Variants in CFAP299 observed in about 807,000 individuals in gnomAD.
CFAP299 encodes cilia- and flagella-associated protein 299.
A neutral mutation model predicts 27.0 loss-of-function variants in CFAP299; 21 were observed. The observed-to-expected ratio is 0.78, with a 90% CI of 0.55 to 1.12. The LOEUF is 1.12. Ranked by LOEUF, CFAP299 falls within the 50% of genes most tolerant of loss-of-function variation. The pLI is 0.00. For synonymous variants in CFAP299, 104 were observed against 98.1 expected, an observed-to-expected ratio of 1.06 and a Z score of -0.36; for missense variants, 310 against 276.6, an observed-to-expected ratio of 1.12 and a Z score of -0.86.
chr4:80,422,941 G>A (rs1317724628), intron 2 of CFAP299, among the ~76,000 whole-genome samples: 2 of 152,084 alleles, frequency 1.3e-5, no homozygotes, highest in African/African-American at 4.8e-5. Flanking sequence ...AGGCTATATG[G>A]TACAGCCTAT....
intron 2 of CFAP299, among the ~76,000 whole-genome samples, chr4:80,366,573 C>A (rs1723846516): frequency 6.6e-6 from 1 of 152,180 alleles, no homozygotes; most frequent in Admixed American, 6.5e-5. Context: ...ACTTAGTTCT[C>A]ACCCTCAAGA....
intron 4 of CFAP299, among the ~76,000 whole-genome samples, chr4:80,901,931 C>G (rs1468300603): frequency 6.6e-6 from 1 of 152,098 alleles, no homozygotes; most frequent in Non-Finnish European, 1.5e-5. Flanking sequence ...TAACACTTGA[C>G]TTAGGCTAAA....
intron 2 of CFAP299, among the ~76,000 whole-genome samples, chr4:80,401,912 A>G (rs1317215254): frequency 2.0e-5 from 3 of 152,310 alleles, no homozygotes; most frequent in South Asian, 4.1e-4. Flanking sequence ...CACGTCTTGA[A>G]TCATTGTGAC....
chr4:80,407,297 A>T (rs1726480787), intron 2 of CFAP299, among the ~76,000 whole-genome samples: 1 of 152,198 alleles, frequency 6.6e-6, no homozygotes, highest in South Asian at 2.1e-4. Context: ...TCTGTGGCTT[A>T]AAACAACCAC....
rs559933674 is a variant in CFAP299, at chr4:80,951,000, T to C, written c.606+6061T>C. 3.3e-5 allele frequency among the ~76,000 whole-genome samples: 5 copies of C among 152,300 alleles called. No homozygotes were observed. In the South Asian group the frequency reaches 1.0e-3, roughly 32 times the overall value. On this transcript the variant is annotated intron_variant, in intron 5 of 5. Coordinates refer to ENST00000358105, the MANE Select transcript of CFAP299 (RefSeq NM_152770.3). Reference sequence around the variant, plus strand: ...ATGACTTAGAATCAAAATTTCTAAGTATGAAAATACATAATCCATTTTGAA... The same window carrying C: ...ATGACTTAGAATCAAAATTTCTAAGCATGAAAATACATAATCCATTTTGAA...
chr4:80,877,424 T>C (rs944606282), intron 4 of CFAP299, among the ~76,000 whole-genome samples: 8 of 152,198 alleles, frequency 5.3e-5, no homozygotes, highest in African/African-American at 1.9e-4. Flanking sequence ...GTCTGTGTCA[T>C]CTAATGACAG....
chr4:80,759,139 A>G (rs1023990776), intron 3 of CFAP299, among the ~76,000 whole-genome samples: 1 of 152,184 alleles, frequency 6.6e-6, no homozygotes. Context: ...TTTTTCCAGC[A>G]TGGTTCAAAT....
chr4:80,584,232 C>A (rs1414964846), intron 3 of CFAP299, among the ~76,000 whole-genome samples: 2 of 151,956 alleles, frequency 1.3e-5, no homozygotes, highest in Non-Finnish European at 2.9e-5. Flanking sequence ...ATTACGAATG[C>A]ATTTTCTCAG....
intron 3 of CFAP299, among the ~76,000 whole-genome samples, chr4:80,637,647 C>T (rs1283544644): frequency 6.6e-6 from 1 of 152,096 alleles, no homozygotes; most frequent in Non-Finnish European, 1.5e-5. Flanking sequence ...AATGAGAATA[C>T]AAGGTTGACA....
chr4:80,799,284 T>G (rs1465688786), intron 3 of CFAP299, among the ~76,000 whole-genome samples: 1 of 90,492 alleles, frequency 1.1e-5, no homozygotes, highest in African/African-American at 5.4e-5. Flanking sequence ...ATATATATAT[T>G]GTATAAATAT....
chr4:80,530,255 A>G (rs1733401233), intron 2 of CFAP299, among the ~76,000 whole-genome samples: 1 of 152,168 alleles, frequency 6.6e-6, no homozygotes, highest in Admixed American at 6.5e-5. Context: ...TGCAGCAGAT[A>G]TATCGTGTTA....
chr4:80,652,620 C>G (rs1740360509), intron 3 of CFAP299, among the ~76,000 whole-genome samples: 1 of 152,056 alleles, frequency 6.6e-6, no homozygotes, highest in Non-Finnish European at 1.5e-5. Flanking sequence ...ACAATGAATG[C>G]AAGAATGGTC....
At chr4:80,421,278 T>G (rs1346013978) in intron 2 of CFAP299, among the ~76,000 whole-genome samples, 1 of 152,226 alleles carries the variant, frequency 6.6e-6, no homozygotes, top group Non-Finnish European at 1.5e-5. Context: ...ACAGTCTCCT[T>G]GAAGACACAG....
intron 3 of CFAP299, among the ~76,000 whole-genome samples, chr4:80,702,020 T>C (rs1721520173): frequency 6.6e-6 from 1 of 151,884 alleles, no homozygotes; most frequent in Non-Finnish European, 1.5e-5. Flanking sequence ...TGGAATGATA[T>C]TAAGTCATAG....
At chr4:80,324,948 C>T in the CFAP299 span, among the ~76,000 whole-genome samples, 1 of 152,262 alleles carries the variant, frequency 6.6e-6, no homozygotes, top group African/African-American at 2.4e-5. Context: ...CATGGCAAAA[C>T]CCTGTCTCTA....
At chr4:80,442,633 C>T (rs779994255) in intron 2 of CFAP299, among the ~76,000 whole-genome samples, 1 of 151,996 alleles carries the variant, frequency 6.6e-6, no homozygotes, top group Non-Finnish European at 1.5e-5. Flanking sequence ...TAAAAGTCAA[C>T]TAGAGAAACA....
At chr4:80,775,786 CA>C (rs1726501472) in intron 3 of CFAP299, among the ~76,000 whole-genome samples, 1 of 152,034 alleles carries the variant, frequency 6.6e-6, no homozygotes, top group African/African-American at 2.4e-5. Flanking sequence ...AATTCATAAA[CA>C]AAATGGTTGT....
intron 2 of CFAP299, among the ~76,000 whole-genome samples, chr4:80,450,597 G>A (rs1016535416): frequency 3.3e-5 from 5 of 151,022 alleles, no homozygotes; most frequent in Non-Finnish European, 5.9e-5. Context: ...GTTAGTTTAG[G>A]TTGCAGGAAA....
chr4:80,565,158 C>A (rs188895951), intron 2 of CFAP299, among the ~76,000 whole-genome samples: 1 of 152,004 alleles, frequency 6.6e-6, no homozygotes, highest in East Asian at 1.9e-4. Flanking sequence ...CATATACTGG[C>A]AAAAACATGA....
Sources: allele counts gnomAD v4.1 joint callset (sites outside exome capture counted in the v4.1 genomes callset), GRCh38; gene constraint gnomAD v4.1.1; transcripts MANE v1.5; gene names NCBI Gene and HGNC (gene_info 2026-07-23, HGNC 2026-07-21).